The following MEMO1 variants were observed in gnomAD, a reference collection of about 807,000 sequenced individuals.
The protein encoded by MEMO1 is mediator of cell motility 1.
Under a neutral mutation model 45.2 loss-of-function variants are expected in MEMO1, and 6 were observed. The ratio of observed to expected loss-of-function variants is 0.13; its 90% CI spans 0.07 to 0.26. MEMO1 has a LOEUF of 0.26. MEMO1 is among the 10% of genes least tolerant of loss of function. The pLI is 1.00. For missense variants in MEMO1, 184 were observed against 370.5 expected, an observed-to-expected ratio of 0.50 and a Z score of 4.13; for synonymous variants, 78 against 124.3, an observed-to-expected ratio of 0.63 and a Z score of 2.48.
intron 7 of MEMO1, 142 bp from the exon 8 acceptor site, chr2:31,883,604 T>C (rs1675728382): frequency 1.7e-6 from 1 of 584,176 alleles, no homozygotes; most frequent in Non-Finnish European, 3.0e-6. Context: ...CAAGAGCCCT[T>C]GTACATAAAA....
At chr2:31,878,096 T>G (rs1489916952) in intron 8 of MEMO1, among the ~76,000 whole-genome samples, 3 of 152,072 alleles carry the variant, frequency 2.0e-5, no homozygotes, top group Non-Finnish European at 2.9e-5. Context: ...CAAAATTAAA[T>G]AGAGTAGTCA....
intron 4 of MEMO1, among the ~76,000 whole-genome samples, chr2:31,922,487 TTTTAC>T (rs1259780976): frequency 2.0e-5 from 3 of 152,176 alleles, no homozygotes; most frequent in Non-Finnish European, 4.4e-5. Context: ...TTTCTTTAAC[TTTTAC>T]TTTAAGTTCA....
At chr2:31,995,195 T>C (rs1672438467) in intron 2 of MEMO1, among the ~76,000 whole-genome samples, 1 of 152,102 alleles carries the variant, frequency 6.6e-6, no homozygotes, top group South Asian at 2.1e-4. Flanking sequence ...CTCACACCTG[T>C]AATCCCAGCA....
chr2:31,906,311 T>G (rs2148077389), intron 6 of MEMO1, among the ~76,000 whole-genome samples: 1 of 149,540 alleles, frequency 6.7e-6, no homozygotes, highest in African/African-American at 2.5e-5. Context: ...TTTTTTTTGT[T>G]TGTTTGTTTG....
intron 4 of MEMO1, among the ~76,000 whole-genome samples, chr2:31,925,220 G>A (rs1682901242): frequency 6.6e-6 from 1 of 152,150 alleles, no homozygotes; most frequent in African/African-American, 2.4e-5. Context: ...CCTCATGCCT[G>A]AAATGCCAGC....
chr2:31,941,491 T>G (rs1665610082), intron 3 of MEMO1, among the ~76,000 whole-genome samples: 1 of 152,210 alleles, frequency 6.6e-6, no homozygotes, highest in Non-Finnish European at 1.5e-5. Flanking sequence ...AGAATATAAT[T>G]ATTTGTTTAC....
intron 2 of MEMO1, among the ~76,000 whole-genome samples, chr2:32,007,631 C>T (rs1674267180): frequency 6.6e-6 from 1 of 152,140 alleles, no homozygotes; most frequent in Non-Finnish European, 1.5e-5. Flanking sequence ...ATTAATTCTA[C>T]GGACGCAACT....
chr2:31,869,328 C>T (rs754090406), intron 9 of MEMO1, among the ~76,000 whole-genome samples: 19 of 152,116 alleles, frequency 1.2e-4, no homozygotes, highest in Non-Finnish European at 2.4e-4. Context: ...GAAAAAAATG[C>T]TATTTCTTTT....
intron 2 of MEMO1, among the ~76,000 whole-genome samples, chr2:31,985,396 G>A (rs1671141136): frequency 6.6e-6 from 1 of 152,138 alleles, no homozygotes; most frequent in African/African-American, 2.4e-5. Context: ...TGCAATCTTG[G>A]CTCATTGCAA....
chr2:31,898,519 T>C lies in MEMO1; in HGVS notation c.438-6385A>G, dbSNP rs187262217. ...GGGTTGTTCAGTTTCCATGTAGTTGTGCGGTTTTGAGTGAGTTTCTTAATC... is the reference window on the plus strand; with the variant it reads ...GGGTTGTTCAGTTTCCATGTAGTTGCGCGGTTTTGAGTGAGTTTCTTAATC... On this transcript the variant is annotated intron_variant, in intron 6 of 9. Transcript: ENST00000404530. Among the ~76,000 whole-genome samples, 280 of 152,290 alleles carry C rather than the reference T, an allele frequency of 1.8e-3. 2 individuals carry two copies. Among genetic ancestry groups the C allele is most frequent in the African/African-American group, 6.5e-3 (270 of 41,544 alleles).
intron 2 of MEMO1, among the ~76,000 whole-genome samples, chr2:32,007,406 A>T (rs910318174): frequency 3.9e-5 from 6 of 152,310 alleles, no homozygotes; most frequent in Non-Finnish European, 5.9e-5. Flanking sequence ...AAAAGTTCTT[A>T]CTTACTTCAA....
At chr2:31,952,661 A>G (rs1666967618) in intron 2 of MEMO1, among the ~76,000 whole-genome samples, 1 of 152,198 alleles carries the variant, frequency 6.6e-6, no homozygotes. Flanking sequence ...ATATCTGATT[A>G]TAGCATCTTA....
intron 2 of MEMO1, chr2:31,963,189 C>G (rs1668227941): frequency 7.8e-6 from 12 of 1,545,970 alleles, no homozygotes; most frequent in Non-Finnish European, 9.6e-6. Context: ...TCTCCTGGGT[C>G]TCCAGCTTGC....
chr2:31,912,640 AAACAG>A (rs1334580167), intron 6 of MEMO1, among the ~76,000 whole-genome samples: 1 of 152,174 alleles, frequency 6.6e-6, no homozygotes, highest in Non-Finnish European at 1.5e-5. Context: ...ATATGCAAAA[AAACAG>A]AACAAAGTGT....
Position 31,868,271 on chromosome 2 carries a change from A to C in MEMO1, c.*90T>G, listed in dbSNP as rs1673147789. The C allele has an allele frequency of 7.7e-6, 10 of 1,299,584 alleles. No homozygotes were observed. The highest frequency in any genetic ancestry group is 9.9e-6 in the Non-Finnish European group (10 of 1,015,162). The allele number at this position is 1,299,584 out of a possible 1,614,324, so 80.5% of individuals were successfully genotyped here. On this transcript the variant is annotated 3_prime_UTR_variant, in exon 10 of 10. Coordinates refer to ENST00000404530, the MANE Select transcript of MEMO1 (RefSeq NM_001301833.4). The stretch of plus-strand genomic sequence containing the variant: ...TAGTTTGAGGTTTCAGAATCCCCCC[A>C]AACCAGGACCAGTATCGTGGTAAAG...
At chr2:31,994,763 C>A (rs926044057) in intron 2 of MEMO1, among the ~76,000 whole-genome samples, 1 of 151,902 alleles carries the variant, frequency 6.6e-6, no homozygotes, top group African/African-American at 2.4e-5. Flanking sequence ...GACTGGACAA[C>A]ATGGCAAAAA....
chr2:31,876,658 TC>T (rs1423370470), intron 8 of MEMO1, among the ~76,000 whole-genome samples: 1 of 152,012 alleles, frequency 6.6e-6, no homozygotes, highest in Non-Finnish European at 1.5e-5. Flanking sequence ...ACATAACATA[TC>T]CCTAATAGAA....
chr2:31,985,415 T>A (rs1167187434), intron 2 of MEMO1, among the ~76,000 whole-genome samples: 1 of 152,198 alleles, frequency 6.6e-6, no homozygotes, highest in African/African-American at 2.4e-5. Flanking sequence ...AACCTCCACC[T>A]CCTGGGTTCA....
At chr2:31,945,534 T>C (rs964763702) in intron 2 of MEMO1, among the ~76,000 whole-genome samples, 7 of 152,194 alleles carry the variant, frequency 4.6e-5, no homozygotes, top group African/African-American at 1.4e-4. Flanking sequence ...GACCCCCTTT[T>C]CTTAGAGGAT....
Sources: gnomAD v4.1 joint callset for allele counts (sites outside exome capture counted in the v4.1 genomes callset) on GRCh38, gnomAD v4.1.1 for gene constraint, MANE v1.5 for transcripts, NCBI Gene and HGNC (gene_info 2026-07-23, HGNC 2026-07-21) for gene names.